Variants in CCDC191 observed in about 807,000 individuals in gnomAD.
CCDC191 encodes the protein coiled-coil domain containing 191.
Under a neutral mutation model 114.0 loss-of-function variants are expected in CCDC191, and 99 were observed. That is an observed-to-expected ratio of 0.87 (90% CI 0.74 to 1.03). The LOEUF (loss-of-function observed/expected upper bound fraction) is 1.03. Among genes scored for constraint, CCDC191 ranks in the 50% least tolerant of loss-of-function variants. The pLI is 0.00. For missense variants in CCDC191, 973 were observed against 1,087.0 expected (o/e 0.90, Z 1.47); for synonymous variants, 351 against 376.0 (o/e 0.93, Z 0.77).
chr3:114,036,524 C>A, intron 5 of CCDC191, 84 bp downstream of exon 5: 1 of 931,078 alleles, frequency 1.1e-6, no homozygotes, highest in South Asian at 3.0e-5. Context: ...CATAATAAAG[C>A]CTATGTCTTT....
intron 13 of CCDC191, among the ~76,000 whole-genome samples, chr3:113,986,231 GGAAA>G (rs1158000645): frequency 6.6e-6 from 1 of 152,088 alleles, no homozygotes; most frequent in African/African-American, 2.4e-5. Context: ...ATACAGCCAA[GGAAA>G]GAACCAGCTA....
chr3:114,004,210 AAAT>A, intron 11 of CCDC191: 8 of 971,150 alleles, frequency 8.2e-6, no homozygotes, highest in Non-Finnish European at 9.8e-6. Flanking sequence ...TAATATTATA[AAAT>A]AATAACTTAT....
intron 13 of CCDC191, among the ~76,000 whole-genome samples, chr3:113,997,337 G>A (rs987208541): frequency 6.6e-6 from 1 of 152,144 alleles, no homozygotes; most frequent in Non-Finnish European, 1.5e-5. Flanking sequence ...TACACACACA[G>A]ATGGATAGAT....
intron 16 of CCDC191, among the ~76,000 whole-genome samples, chr3:113,975,286 G>A (rs368158642): frequency 1.1e-4 from 16 of 152,142 alleles, no homozygotes; most frequent in African/African-American, 3.6e-4. Flanking sequence ...CATCTTTCTC[G>A]ATGTTATTGC....
chr3:114,049,167 A>G (rs967197145), intron 2 of CCDC191, among the ~76,000 whole-genome samples: 1 of 152,228 alleles, frequency 6.6e-6, no homozygotes, highest in African/African-American at 2.4e-5. Flanking sequence ...CCAGAAGAAA[A>G]CATGATCTCA....
At chr3:114,056,608 C>T (rs776020295), upstream of CCDC191, 3 of 1,570,992 alleles carry the variant, frequency 1.9e-6, no homozygotes, top group Non-Finnish European at 2.6e-6. Flanking sequence ...ACCACTCCCA[C>T]GAGGCTCTGC....
intron 4 of CCDC191, among the ~76,000 whole-genome samples, chr3:114,040,260 G>A (rs2107743505): frequency 6.6e-6 from 1 of 152,290 alleles, no homozygotes; most frequent in South Asian, 2.1e-4. Flanking sequence ...CCAGGTTTGT[G>A]TAAGTACACT....
At chr3:114,033,415 T>C (rs534859406) in intron 6 of CCDC191, among the ~76,000 whole-genome samples, 1 of 152,358 alleles carries the variant, frequency 6.6e-6, no homozygotes, top group African/African-American at 2.4e-5. Context: ...GGATTTCTGA[T>C]AATTTTCTTA....
Position 114,056,489 on chromosome 3 carries a change from T to C in CCDC191, c.-23A>G, listed in dbSNP as rs2076785760. The C allele has an allele frequency of 6.2e-7, 1 of 1,613,836 alleles. No individual in the cohort carries two copies. The highest frequency in any genetic ancestry group is 1.7e-5 in the Admixed American group (1 of 59,996). On this transcript the variant is annotated 5_prime_UTR_variant, in exon 1 of 17. Transcript: ENST00000295878. Reference sequence around the variant, plus strand: ...CATTTTCCAAGTTCGAGCCCGAACCTCGGCCAAAGCTGCAGCAACCGCCCT... The same window carrying C: ...CATTTTCCAAGTTCGAGCCCGAACCCCGGCCAAAGCTGCAGCAACCGCCCT...
At chr3:113,996,840 G>T (rs921684371) in intron 13 of CCDC191, among the ~76,000 whole-genome samples, 17 of 150,554 alleles carry the variant, frequency 1.1e-4, no homozygotes, top group Non-Finnish European at 1.9e-4. Context: ...ATGGACACAG[G>T]GAGAGGAACA....
intron 9 of CCDC191, 27 bp downstream of exon 9, chr3:114,010,745 G>GT: frequency 6.3e-7 from 1 of 1,575,584 alleles, no homozygotes; most frequent in Non-Finnish European, 8.6e-7. Context: ...AAATGCAAGT[G>GT]TTTACTAAGC....
chr3:114,038,333 G>A (rs1040417950), intron 4 of CCDC191, among the ~76,000 whole-genome samples: 3 of 152,170 alleles, frequency 2.0e-5, no homozygotes, highest in South Asian at 2.1e-4. Context: ...GTATATGAAG[G>A]TGGCCCCATA....
rs1472629323 is a variant in CCDC191 at position 114,014,282 on chromosome 3, G to C, written c.1164-3261C>G. Among the ~76,000 whole-genome samples the C allele has an allele frequency of 2.0e-5, 3 of 152,252 alleles. No individual in the cohort carries two copies. In the East Asian group the frequency reaches 5.8e-4, roughly 29 times the overall value. ...TGGAAGATAAAAACTGTTTTAAAAA[G>C]TTTTAAAGTTTTAAAGCGAGCCAGG... On this transcript the variant is annotated intron_variant, in intron 8 of 16. Transcript: ENST00000295878.
intron 2 of CCDC191, among the ~76,000 whole-genome samples, chr3:114,049,391 G>A (rs2076671569): frequency 6.6e-6 from 1 of 152,154 alleles, no homozygotes; most frequent in Non-Finnish European, 1.5e-5. Flanking sequence ...GTATGTGTTC[G>A]TATATGCACA....
At chr3:113,966,395 G>C (rs1246185302) in intron 16 of CCDC191, among the ~76,000 whole-genome samples, 1 of 152,152 alleles carries the variant, frequency 6.6e-6, no homozygotes, top group Non-Finnish European at 1.5e-5. Flanking sequence ...GTCTGCCCCG[G>C]GAGAGGCTGA....
intron 16 of CCDC191, among the ~76,000 whole-genome samples, chr3:113,972,979 A>G (rs557632802): frequency 4.6e-5 from 7 of 152,228 alleles, no homozygotes; most frequent in Admixed American, 4.6e-4. Context: ...TAGGCAGCAT[A>G]CAGTTGGATC....
Position 114,004,421 on chromosome 3 carries a change from G to A in CCDC191, c.1978+216C>T, listed in dbSNP as rs2075909257. ...ATGTTTTTTTGTGTGTGTGTTGGCTGGGAATGCCAAAAAGGTTGGCAAAAG... is the reference window on the plus strand; with the variant it reads ...ATGTTTTTTTGTGTGTGTGTTGGCTAGGAATGCCAAAAAGGTTGGCAAAAG... On this transcript the variant is annotated intron_variant, in intron 11 of 16. Coordinates refer to ENST00000295878, the MANE Select transcript of CCDC191 (RefSeq NM_020817.2). 4.5e-6 allele frequency: 5 copies of A among 1,112,166 alleles called. No homozygotes were observed. The South Asian group carries it at 1.5e-4, about 32-fold the overall frequency. 68.9% of individuals were successfully genotyped at this position (1,112,166 alleles called of 1,614,324 possible). A position where few individuals can be genotyped will look rare whatever the true frequency, so the allele number is the denominator to read the frequency against.
At chr3:113,973,107 G>T (rs947100194) in intron 16 of CCDC191, among the ~76,000 whole-genome samples, 1 of 152,076 alleles carries the variant, frequency 6.6e-6, no homozygotes, top group Admixed American at 6.6e-5. Context: ...TTGTTTGCTG[G>T]TTGTTTTGTA....
At chr3:114,027,398 G>A (rs1046080174) in intron 7 of CCDC191, among the ~76,000 whole-genome samples, 1 of 152,058 alleles carries the variant, frequency 6.6e-6, no homozygotes, top group African/African-American at 2.4e-5. Flanking sequence ...GGCGGATCAC[G>A]AGGTCAGGAG....
Sources: allele counts gnomAD v4.1 joint callset (sites outside exome capture counted in the v4.1 genomes callset), GRCh38; gene constraint gnomAD v4.1.1; transcripts MANE v1.5; gene names NCBI Gene and HGNC (gene_info 2026-07-23, HGNC 2026-07-21).